C4orf36: variants seen among roughly 807,000 people sequenced by gnomAD.
The protein encoded by C4orf36 is uncharacterized protein C4orf36.
In C4orf36, 11 loss-of-function variants were observed where a neutral mutation model predicts 12.2. The observed-to-expected ratio is 0.90, with a 90% CI of 0.57 to 1.49. C4orf36 has a LOEUF of 1.49. C4orf36 is among the 40% of genes most tolerant of loss of function. C4orf36 has a pLI of 0.00. For synonymous variants in C4orf36, 54 were observed against 51.3 expected (o/e 1.05, Z -0.22); for missense variants, 137 against 133.9 (o/e 1.02, Z -0.11).
chr4:86,908,461 T>TG, the C4orf36 span, among the ~76,000 whole-genome samples: 1 of 151,672 alleles, frequency 6.6e-6, no homozygotes, highest in Non-Finnish European at 1.5e-5. Context: ...TCTTTTTTTT[T>TG]TTTTTGGAAT....
At chr4:86,883,749 C>T (rs1324783239) in intron 4 of C4orf36, among the ~76,000 whole-genome samples, 6 of 152,134 alleles carry the variant, frequency 3.9e-5, no homozygotes, top group Non-Finnish European at 5.9e-5. Context: ...GAAGATCAGC[C>T]AGGCGCGGTG....
chr4:86,934,015 T>C, the C4orf36 span, among the ~76,000 whole-genome samples: 1 of 152,182 alleles, frequency 6.6e-6, no homozygotes, highest in Non-Finnish European at 1.5e-5. Flanking sequence ...ATAAAAGAGT[T>C]GAGCAGAGCA....
In C4orf36 at chr4:86,887,873, A is replaced by G. The variant is rs151083821; in HGVS notation, c.241T>C (p.Tyr81His). ...AGTTTACAAAGACGCTTCACTTCAT[A>G]CTCCCTTTCGAGTTTGATAGCTGAA... is the stretch of plus-strand genomic sequence containing the variant. Reference protein sequence around the residue: ...SAESIKLEREYEVKRLCKLKC... With the variant: ...SAESIKLEREHEVKRLCKLKC... Residue 81 changes from tyrosine to histidine, a missense_variant, in exon 4 of 5, where the codon TAT (tyrosine) becomes CAT (histidine). Transcript: ENST00000295898. The G allele has an allele frequency of 3.7e-6, 6 of 1,613,898 alleles. No homozygotes were observed. The highest frequency in any genetic ancestry group is 2.7e-5 in the African/African-American group (2 of 74,876).
chr4:86,891,755 T>A (rs1747425750), intron 1 of C4orf36, among the ~76,000 whole-genome samples, 162 bp from the exon 2 acceptor site: 1 of 152,218 alleles, frequency 6.6e-6, no homozygotes, highest in Non-Finnish European at 1.5e-5. Flanking sequence ...CATGAACTCA[T>A]TTTTTCATTT....
At chr4:86,910,936 A>T in the C4orf36 span, among the ~76,000 whole-genome samples, 2 of 151,740 alleles carry the variant, frequency 1.3e-5, no homozygotes, top group Admixed American at 1.3e-4. Context: ...AAAAAAAAAT[A>T]GCTGAGCGTG....
At chr4:86,928,283 T>C in the C4orf36 span, among the ~76,000 whole-genome samples, 1 of 152,180 alleles carries the variant, frequency 6.6e-6, no homozygotes, top group African/African-American at 2.4e-5. Flanking sequence ...TTACAGGAGC[T>C]CAGGAGGCAG....
At chr4:86,890,570 T>C (rs1747368859) in intron 2 of C4orf36, among the ~76,000 whole-genome samples, 1 of 152,132 alleles carries the variant, frequency 6.6e-6, no homozygotes, top group African/African-American at 2.4e-5. Context: ...AAATACGTAC[T>C]AAACTGACAA....
the C4orf36 span, among the ~76,000 whole-genome samples, chr4:86,934,211 A>C: frequency 6.6e-6 from 1 of 152,218 alleles, no homozygotes; most frequent in African/African-American, 2.4e-5. Flanking sequence ...GGGCCATTTG[A>C]TGTAATCTTT....
chr4:86,917,339 G>GAAGGAAGGATGGAAGGAAGGAAGGA, the C4orf36 span, among the ~76,000 whole-genome samples: 496 of 146,302 alleles, frequency 3.4e-3, 1 homozygote, highest in Non-Finnish European at 5.9e-3. Context: ...ATGAAGGAAG[G>GAAGGAAGGATGGAAGGAAGGAAGGA]AAGGATGGAA....
At chr4:86,933,731 A>G in the C4orf36 span, among the ~76,000 whole-genome samples, 1 of 152,234 alleles carries the variant, frequency 6.6e-6, no homozygotes, top group East Asian at 1.9e-4. Context: ...GAAACCTTTA[A>G]AAGGTGTACA....
At chr4:86,917,094 A>G in the C4orf36 span, among the ~76,000 whole-genome samples, 2 of 152,278 alleles carry the variant, frequency 1.3e-5, no homozygotes. Context: ...CCTGGGCAAC[A>G]TAGTAAGACA....
intron 1 of C4orf36, 115 bp from the exon 2 acceptor site, chr4:86,891,708 A>G (rs775963752): frequency 8.1e-6 from 8 of 987,974 alleles, no homozygotes; most frequent in Non-Finnish European, 1.1e-5. Context: ...ATTGAACTGG[A>G]ACCCCAAGTG....
the C4orf36 span, among the ~76,000 whole-genome samples, chr4:86,930,602 T>C: frequency 3.1e-3 from 469 of 152,386 alleles, no homozygotes; most frequent in African/African-American, 0.011. Context: ...AAAAATATTA[T>C]TGTGCTCACA....
the C4orf36 span, among the ~76,000 whole-genome samples, chr4:86,899,910 T>G: frequency 6.6e-6 from 1 of 152,164 alleles, no homozygotes; most frequent in Non-Finnish European, 1.5e-5. Context: ...TTTTGCAAAG[T>G]GTGAGTCTTT....
chr4:86,935,530 C>G, the C4orf36 span: 4 of 152,356 alleles, frequency 2.6e-5, no homozygotes, highest in African/African-American at 4.8e-5. Context: ...CGCGCAGCCC[C>G]CAAGTCAGAC....
chr4:86,891,436 A>ATT lies in C4orf36; in HGVS notation c.65+19_65+20insAA, dbSNP rs778511497. The ATT allele has an allele frequency of 1.9e-6, 3 of 1,544,552 alleles. No individual in the cohort carries two copies. Among genetic ancestry groups the ATT allele is most frequent in the Non-Finnish European group, 2.7e-6 (3 of 1,127,018 alleles). On this transcript the variant is annotated intron_variant, in intron 2 of 4. Transcript: ENST00000295898. ...GCAGTCAATGCTTACCCTGATTTAAAAAAAAAAAATAGTACTTACACATTA... is the reference window on the plus strand; with the variant it reads ...GCAGTCAATGCTTACCCTGATTTAAATTAAAAAAAAATAGTACTTACACATTA...
At chr4:86,904,353 C>T in the C4orf36 span, among the ~76,000 whole-genome samples, 1 of 152,202 alleles carries the variant, frequency 6.6e-6, no homozygotes, top group African/African-American at 2.4e-5. Context: ...AGAGAGGGGC[C>T]CTCATAGCGC....
chr4:86,906,220 A>C, the C4orf36 span, among the ~76,000 whole-genome samples: 4 of 152,164 alleles, frequency 2.6e-5, no homozygotes, highest in African/African-American at 4.8e-5. Context: ...AGGATTTTAA[A>C]ATCAATGTTT....
intron 4 of C4orf36, among the ~76,000 whole-genome samples, chr4:86,881,793 C>T (rs1747060587): frequency 6.6e-6 from 1 of 152,040 alleles, no homozygotes; most frequent in South Asian, 2.1e-4. Context: ...CCTCCTGCCT[C>T]AGCCTCCCAA....
Sources: allele counts gnomAD v4.1 joint callset (sites outside exome capture counted in the v4.1 genomes callset), GRCh38; gene constraint gnomAD v4.1.1; transcripts MANE v1.5; gene names NCBI Gene and HGNC (gene_info 2026-07-23, HGNC 2026-07-21).